The following SLCO3A1 variants were observed in gnomAD, a reference collection of about 807,000 sequenced individuals.
The protein encoded by SLCO3A1 is PGE1 transporter.
SLCO3A1 carries 27 observed loss-of-function variants against 63.1 expected under a neutral mutation model. The observed-to-expected ratio is 0.43, with a 90% CI of 0.32 to 0.59. The LOEUF is 0.59. Ranked by LOEUF, SLCO3A1 falls within the 20% of genes least tolerant of loss-of-function variation. The pLI, the probability that SLCO3A1 is intolerant of heterozygous loss-of-function variation, is 0.09. For synonymous variants in SLCO3A1, 473 were observed against 409.9 expected (o/e 1.15, Z -1.86); for missense variants, 773 against 945.8 (o/e 0.82, Z 2.40).
chr15:91,910,953 C>T (rs943485385), intron 1 of SLCO3A1, among the ~76,000 whole-genome samples: 1 of 152,146 alleles, frequency 6.6e-6, no homozygotes, highest in Non-Finnish European at 1.5e-5. Flanking sequence ...GTTGCTGCTG[C>T]CTGCCCCTAA....
chr15:92,043,520 C>T lies in SLCO3A1; in HGVS notation c.647-51361C>T, dbSNP rs1388651943. Among the ~76,000 whole-genome samples, 6 of 152,222 alleles carry T rather than the reference C, an allele frequency of 3.9e-5. No individual in the cohort carries two copies. The South Asian group carries it at 6.2e-4, about 16-fold the overall frequency. On this transcript the variant is annotated intron_variant, in intron 2 of 9. Coordinates refer to ENST00000318445, the MANE Select transcript of SLCO3A1 (RefSeq NM_013272.4). ...AGAAGCATCCTTGAGTCATCCAGTCCAGCCCAACCCCAGAGCCTAAACATG... is the reference window on the plus strand; with the variant it reads ...AGAAGCATCCTTGAGTCATCCAGTCTAGCCCAACCCCAGAGCCTAAACATG...
chr15:91,926,690 C>G (rs927056137), intron 2 of SLCO3A1, among the ~76,000 whole-genome samples: 5 of 151,798 alleles, frequency 3.3e-5, no homozygotes, highest in African/African-American at 1.2e-4. Flanking sequence ...TCATCAAAAT[C>G]GAGATGTATT....
In SLCO3A1 at chr15:91,883,032, C is replaced by T. The variant is rs1474251320; in HGVS notation, c.180+28944C>T. On this transcript the variant is annotated intron_variant, in intron 1 of 9. Coordinates refer to ENST00000318445, the MANE Select transcript of SLCO3A1 (RefSeq NM_013272.4). This position sits in a 1 kb window ranked among gnomAD's most constrained non-coding sequence, Gnocchi z 4.8. ...AGCCACCATGCAAGCCAGGCAGGCGCCATCCACTGTAAACAGAGAGGAGAA... is the reference window on the plus strand; with the variant it reads ...AGCCACCATGCAAGCCAGGCAGGCGTCATCCACTGTAAACAGAGAGGAGAA... 6.6e-6 allele frequency among the ~76,000 whole-genome samples: 1 copy of T among 152,196 alleles called. No individual in the cohort carries two copies. The highest frequency in any genetic ancestry group is 1.5e-5 in the Non-Finnish European group (1 of 68,036).
intron 1 of SLCO3A1, among the ~76,000 whole-genome samples, chr15:91,914,148 G>C (rs985919035): frequency 1.3e-5 from 2 of 152,160 alleles, no homozygotes; most frequent in Non-Finnish European, 2.9e-5. Flanking sequence ...CCCTTTTACA[G>C]ATGGGGAAAC....
At chr15:92,097,369 C>T (rs1473383612) in intron 3 of SLCO3A1, among the ~76,000 whole-genome samples, 2 of 152,220 alleles carry the variant, frequency 1.3e-5, no homozygotes, top group Non-Finnish European at 2.9e-5. Context: ...CACCTTTTCT[C>T]AGTGCCTGAA....
intron 7 of SLCO3A1, among the ~76,000 whole-genome samples, chr15:92,142,422 G>A (rs1448767192): frequency 1.3e-5 from 2 of 152,180 alleles, no homozygotes; most frequent in Non-Finnish European, 2.9e-5. Flanking sequence ...CTCTAGCTGT[G>A]TCTTCATGTG....
At chr15:92,022,427 T>C (rs886852524) in intron 2 of SLCO3A1, among the ~76,000 whole-genome samples, 5 of 152,174 alleles carry the variant, frequency 3.3e-5, no homozygotes, top group African/African-American at 1.2e-4. Flanking sequence ...ATTAAGGAAA[T>C]CTATGACCTT....
At chr15:92,064,217 A>G (rs905355205) in intron 2 of SLCO3A1, among the ~76,000 whole-genome samples, 4 of 152,142 alleles carry the variant, frequency 2.6e-5, no homozygotes, top group Non-Finnish European at 4.4e-5. Context: ...CGCCTGCTGA[A>G]CCTTCCCAGA....
At chr15:92,149,665 C>A (rs1250650923) in intron 8 of SLCO3A1, 1 of 152,222 alleles carries the variant, frequency 6.6e-6, no homozygotes, top group Non-Finnish European at 1.5e-5. Flanking sequence ...GGAGCCCTCC[C>A]CGTTTCTTCA....
chr15:91,897,902 G>A lies in SLCO3A1; in HGVS notation c.181-18091G>A, dbSNP rs141126450. 4.2e-3 allele frequency among the ~76,000 whole-genome samples: 631 copies of A among 151,852 alleles called. 2 individuals are homozygous for A. Among genetic ancestry groups the A allele is most frequent in the Non-Finnish European group, 6.6e-3 (449 of 67,888 alleles). ...AAACTGCAGGGCAGAGCCAGGCGAA[G>A]TTGAGAACAAGAAGGAATCGCTGCT... On this transcript the variant is annotated intron_variant, in intron 1 of 9. Transcript: ENST00000318445. The surrounding 1 kb of genome is among the most constrained non-coding windows in gnomAD (Gnocchi z 4.7).
rs188127714 is a variant in SLCO3A1 at position 92,000,542 on chromosome 15, A to G, written c.646+84084A>G. On this transcript the variant is annotated intron_variant, in intron 2 of 9. Transcript: ENST00000318445. ...GTATTAAATGCTGTTGAATGCAGAA[A>G]AAAAAGGAATCAAAATAATAAGAGA... Among the ~76,000 whole-genome samples, 544 of 152,306 alleles carry G rather than the reference A, an allele frequency of 3.6e-3. 1 individual carries two copies. Among genetic ancestry groups the G allele is most frequent in the African/African-American group, 0.012 (511 of 41,562 alleles).
At chr15:91,963,321 A>G (rs1338059516) in intron 2 of SLCO3A1, among the ~76,000 whole-genome samples, 1 of 143,532 alleles carries the variant, frequency 7.0e-6, no homozygotes, top group African/African-American at 2.6e-5. Context: ...GTGCTGAGAC[A>G]GTTATTATGG....
intron 2 of SLCO3A1, among the ~76,000 whole-genome samples, chr15:91,922,791 C>T (rs533356614): frequency 2.0e-5 from 3 of 152,308 alleles, no homozygotes; most frequent in South Asian, 2.1e-4. Flanking sequence ...ATAAATGGCA[C>T]TATAAAAGTG....
chr15:92,115,776 A>G (rs557738565), intron 4 of SLCO3A1, among the ~76,000 whole-genome samples: 1 of 131,624 alleles, frequency 7.6e-6, no homozygotes, highest in East Asian at 2.3e-4. Flanking sequence ...TCCTTTTATT[A>G]ATATTTCTCC....
chr15:91,971,884 G>C (rs911677383), intron 2 of SLCO3A1, among the ~76,000 whole-genome samples: 1 of 152,130 alleles, frequency 6.6e-6, no homozygotes, highest in Non-Finnish European at 1.5e-5. Context: ...CATAACTGCA[G>C]TTTGAGTATC....
chr15:92,023,121 T>G lies in SLCO3A1; in HGVS notation c.647-71760T>G, dbSNP rs554372472. 3.9e-5 allele frequency among the ~76,000 whole-genome samples: 6 copies of G among 152,328 alleles called. 1 individual carries two copies. The South Asian group carries it at 1.2e-3, about 32-fold the overall frequency. ...AAGACTCACAGCCAGAACTTGGGTC[T>G]TAGCTTCTTCAAGTGTGGCAGAAGG... On this transcript the variant is annotated intron_variant, in intron 2 of 9. Coordinates refer to ENST00000318445, the MANE Select transcript of SLCO3A1 (RefSeq NM_013272.4).
intron 7 of SLCO3A1, among the ~76,000 whole-genome samples, chr15:92,130,884 G>GAA (rs1567135786): frequency 1.0e-4 from 11 of 107,326 alleles, no homozygotes; most frequent in East Asian, 5.6e-4. Context: ...CAAGTTCGGG[G>GAA]CAAAAAAAAA....
chr15:92,084,381 A>C (rs1443546406), intron 2 of SLCO3A1, among the ~76,000 whole-genome samples: 1 of 152,124 alleles, frequency 6.6e-6, no homozygotes, highest in Non-Finnish European at 1.5e-5. Flanking sequence ...TACGTATTTG[A>C]CCCTCAATAA....
rs560265947 is a variant in SLCO3A1 at position 91,863,014 on chromosome 15, T to C, written c.180+8926T>C. On this transcript the variant is annotated intron_variant, in intron 1 of 9. Coordinates refer to ENST00000318445, the MANE Select transcript of SLCO3A1 (RefSeq NM_013272.4). This position sits in a 1 kb window ranked among gnomAD's most constrained non-coding sequence, Gnocchi z 4.3. ...ATAAGCAGGTTGAAATTGGGAGAGC[T>C]GCCCTCAGCTGATTATATAAGCTAT... Among the ~76,000 whole-genome samples the C allele has an allele frequency of 1.1e-4, 17 of 152,380 alleles. No individual in the cohort carries two copies. The highest frequency in any genetic ancestry group is 3.9e-4 in the East Asian group (2 of 5,192).
Sources: gnomAD v4.1 joint callset for allele counts (sites outside exome capture counted in the v4.1 genomes callset) on GRCh38, gnomAD v4.1.1 for gene constraint, Gnocchi (gnomAD v3.1) non-coding constraint, MANE v1.5 for transcripts, NCBI Gene and HGNC (gene_info 2026-07-23, HGNC 2026-07-21) for gene names.